Variants in GNA14 observed in about 807,000 individuals in gnomAD.
The protein encoded by GNA14 is guanine nucleotide-binding protein subunit alpha-14.
GNA14 carries 50 observed loss-of-function variants against 42.0 expected under a neutral mutation model. The observed-to-expected ratio is 1.19, with a 90% CI of 0.95 to 1.51. The LOEUF (loss-of-function observed/expected upper bound fraction) is 1.51, where lower values mean the gene tolerates loss of function less well. GNA14 is among the 40% of genes most tolerant of loss of function. The pLI is 0.00. For missense variants in GNA14, 473 were observed against 446.2 expected, an observed-to-expected ratio of 1.06 and a Z score of -0.54; for synonymous variants, 173 against 163.1, an observed-to-expected ratio of 1.06 and a Z score of -0.46.
chr9:77,640,886 A>C (rs199502224), intron 1 of GNA14, among the ~76,000 whole-genome samples: 19 of 145,458 alleles, frequency 1.3e-4, no homozygotes, highest in East Asian at 8.6e-4. Flanking sequence ...AAAAAAAAAA[A>C]AAAAAACAAC....
chr9:77,462,561 T>C (rs2131713242), intron 2 of GNA14, among the ~76,000 whole-genome samples: 1 of 151,950 alleles, frequency 6.6e-6, no homozygotes, highest in East Asian at 1.9e-4. Context: ...CTACTAAAAA[T>C]ACAAAAATTA....
chr9:77,552,549 C>T (rs1330872677), intron 1 of GNA14, among the ~76,000 whole-genome samples: 3 of 152,128 alleles, frequency 2.0e-5, no homozygotes. Flanking sequence ...TTATTTATAA[C>T]AATTGCATTC....
At chr9:77,473,996 A>G (rs1214032718) in intron 2 of GNA14, among the ~76,000 whole-genome samples, 1 of 152,210 alleles carries the variant, frequency 6.6e-6, no homozygotes, top group African/African-American at 2.4e-5. Flanking sequence ...TAAAATATAC[A>G]AAAATTAACT....
rs577207624 is a variant in GNA14 at position 77,538,990 on chromosome 9, T to G, written c.125-9737A>C. On this transcript the variant is annotated intron_variant, in intron 1 of 6. Transcript: ENST00000341700. ...TTGACTTCCTCTTTTCCAATTTGGA[T>G]GCCTTTGATTTCTCTCTTTTGCCTG... Among the ~76,000 whole-genome samples the G allele has an allele frequency of 7.2e-5, 11 of 152,336 alleles. No homozygotes were observed. In the South Asian group the frequency reaches 2.3e-3, roughly 32 times the overall value.
chr9:77,458,275 G>A (rs1175578910), intron 2 of GNA14, among the ~76,000 whole-genome samples: 1 of 144,388 alleles, frequency 6.9e-6, no homozygotes, highest in Non-Finnish European at 1.5e-5. Flanking sequence ...GTGAAACCAG[G>A]CCCAAGTGCA....
chr9:77,597,102 T>C (rs1823478267), intron 1 of GNA14, among the ~76,000 whole-genome samples: 1 of 152,188 alleles, frequency 6.6e-6, no homozygotes, highest in Admixed American at 6.5e-5. Context: ...CTGAGACCTG[T>C]CTTAGATTTT....
intron 1 of GNA14, among the ~76,000 whole-genome samples, chr9:77,644,193 A>C (rs1344092750): frequency 6.6e-6 from 1 of 152,106 alleles, no homozygotes; most frequent in African/African-American, 2.4e-5. Context: ...GGCACGACAC[A>C]GTGGCTCATG....
At chr9:77,426,661 G>T (rs2131686000) in intron 5 of GNA14, among the ~76,000 whole-genome samples, 1 of 152,294 alleles carries the variant, frequency 6.6e-6, no homozygotes, top group African/African-American at 2.4e-5. Flanking sequence ...ACCTGGGGAA[G>T]GTTGTGTAGA....
At chr9:77,643,946 T>C (rs765473430) in intron 1 of GNA14, among the ~76,000 whole-genome samples, 14 of 152,168 alleles carry the variant, frequency 9.2e-5, no homozygotes, top group Non-Finnish European at 1.8e-4. Context: ...GCTAAGACAC[T>C]GTAGGGCTAG....
intron 2 of GNA14, 65 bp from the exon 3 acceptor site, chr9:77,434,587 G>T: frequency 7.1e-7 from 1 of 1,403,876 alleles, no homozygotes; most frequent in Non-Finnish European, 9.9e-7. Flanking sequence ...TGGCAATGTC[G>T]GTACAAGTCT....
chr9:77,615,402 C>G (rs1379184624), intron 1 of GNA14, among the ~76,000 whole-genome samples: 1 of 152,028 alleles, frequency 6.6e-6, no homozygotes, highest in Non-Finnish European at 1.5e-5. Context: ...TCAGTGCCAC[C>G]TATTTGGCAA....
chr9:77,523,151 C>A (rs771403829), intron 2 of GNA14, among the ~76,000 whole-genome samples: 16 of 152,162 alleles, frequency 1.1e-4, no homozygotes, highest in Non-Finnish European at 2.1e-4. Context: ...AATCCCCTTA[C>A]CGTTTAATTA....
At chr9:77,508,468 T>C (rs933313979) in intron 2 of GNA14, among the ~76,000 whole-genome samples, 2 of 152,218 alleles carry the variant, frequency 1.3e-5, no homozygotes, top group Non-Finnish European at 2.9e-5. Flanking sequence ...CTGATTAAAA[T>C]GTCTGCATGC....
chr9:77,546,189 C>T (rs1033315566), intron 1 of GNA14, among the ~76,000 whole-genome samples: 3 of 143,074 alleles, frequency 2.1e-5, no homozygotes, highest in Non-Finnish European at 4.5e-5. Context: ...TGCACTCCAG[C>T]CTGGGTGACA....
At chr9:77,539,020 C>A (rs1358110316) in intron 1 of GNA14, among the ~76,000 whole-genome samples, 1 of 152,218 alleles carries the variant, frequency 6.6e-6, no homozygotes, top group African/African-American at 2.4e-5. Flanking sequence ...TGCCTGACTG[C>A]TCTGGCTAGG....
At chr9:77,641,743 G>A (rs1335046) in intron 1 of GNA14, among the ~76,000 whole-genome samples, 45,549 of 152,032 alleles carry the variant, frequency 0.3, 9,045 homozygotes, top group East Asian at 0.51. Flanking sequence ...CACTAAGGAC[G>A]TTATTGGGTG....
chr9:77,616,938 T>G (rs563480639), intron 1 of GNA14, among the ~76,000 whole-genome samples: 4 of 152,024 alleles, frequency 2.6e-5, no homozygotes, highest in African/African-American at 9.7e-5. Flanking sequence ...GGCACGATCT[T>G]GGCTCACTGC....
chr9:77,536,409 C>G (rs554111836), intron 1 of GNA14, among the ~76,000 whole-genome samples: 1 of 152,206 alleles, frequency 6.6e-6, no homozygotes, highest in East Asian at 1.9e-4. Context: ...GGAGTGCAGT[C>G]ACACGATCTT....
chr9:77,553,404 C>T (rs894004327), intron 1 of GNA14, among the ~76,000 whole-genome samples: 12 of 151,888 alleles, frequency 7.9e-5, no homozygotes, highest in African/African-American at 2.9e-4. Context: ...ACCTATATGG[C>T]ACATCAAAAT....
Sources: allele counts gnomAD v4.1 joint callset (sites outside exome capture counted in the v4.1 genomes callset), GRCh38; gene constraint gnomAD v4.1.1; transcripts MANE v1.5; gene names NCBI Gene and HGNC (gene_info 2026-07-23, HGNC 2026-07-21).